FGL2: variants seen among roughly 807,000 people sequenced by gnomAD.
The protein encoded by FGL2 is fibrinogen like 2.
Under a neutral mutation model 36.0 loss-of-function variants are expected in FGL2, and 21 were observed. The ratio of observed to expected loss-of-function variants is 0.58; its 90% CI spans 0.41 to 0.84. FGL2 has a LOEUF of 0.84. FGL2 is among the 40% of genes least tolerant of loss of function. The pLI is 0.00. For missense variants in FGL2, 444 were observed against 526.3 expected (o/e 0.84, Z 1.53); for synonymous variants, 183 against 190.7 (o/e 0.96, Z 0.33).
At chr7:77,197,020 G>T in intron 1 of FGL2, 35 bp from the exon 2 acceptor site, 1 of 1,289,692 alleles carries the variant, frequency 7.8e-7, no homozygotes, top group Non-Finnish European at 1.1e-6. Context: ...ATTGGATCTT[G>T]TTAATAGAAA....
At chr7:77,199,119 T>C (rs1791929898) in intron 1 of FGL2, 62 bp downstream of exon 1, 2 of 1,413,838 alleles carry the variant, frequency 1.4e-6, no homozygotes, top group Admixed American at 2.0e-5. Flanking sequence ...TTAATGTTTA[T>C]AGATACTCTC....
rs1791828902 is a variant in FGL2 at position 77,194,493 on chromosome 7, G to GT, written c.*1785dup. 1 of 151,766 alleles carries GT rather than the reference G, an allele frequency of 6.6e-6. No individual in the cohort carries two copies. The highest frequency in any genetic ancestry group is 1.5e-5 in the Non-Finnish European group (1 of 67,852). 9.4% of individuals were successfully genotyped at this position (151,766 alleles called of 1,614,324 possible). ...TCTCTTTAACATTTTAATAGTATTTGTGATATATCATGTTTAACTGAAAGC... is the reference window on the plus strand; with the variant it reads ...TCTCTTTAACATTTTAATAGTATTTGTTGATATATCATGTTTAACTGAAAGC... On this transcript the variant is annotated 3_prime_UTR_variant, in exon 2 of 2. Transcript: ENST00000248598.
intron 1 of FGL2, among the ~76,000 whole-genome samples, chr7:77,197,220 C>A (rs1035391281): frequency 2.3e-4 from 35 of 152,170 alleles, no homozygotes; most frequent in African/African-American, 8.4e-4. Context: ...ATGACAGCAT[C>A]AACAGCAAAC....
chr7:77,195,316 A>G lies in FGL2; in HGVS notation c.*963T>C, dbSNP rs987350959. ...CTAAGGAGTTATAAACTATAAATGA[A>G]TTACCTTTAAACCCTGGTCTTCACA... On this transcript the variant is annotated 3_prime_UTR_variant, in exon 2 of 2. Transcript: ENST00000248598. The G allele has an allele frequency of 6.6e-6, 1 of 152,178 alleles. No homozygotes were observed. The highest frequency in any genetic ancestry group is 1.5e-5 in the Non-Finnish European group (1 of 68,028). 9.4% of individuals were successfully genotyped at this position (152,178 alleles called of 1,614,324 possible). A position where few individuals can be genotyped will look rare whatever the true frequency, so the allele number is the denominator to read the frequency against.
Position 77,194,033 on chromosome 7 carries a change from T to C in FGL2, c.*2246A>G, listed in dbSNP as rs1791820832. On this transcript the variant is annotated 3_prime_UTR_variant, in exon 2 of 2. Transcript: ENST00000248598. ...GTTACAGAATTTACTAGAAAAGTGC[T>C]GTGAAAGTATAATGAAAAATAAAGT... 6.6e-6 allele frequency: 1 copy of C among 152,344 alleles called. No homozygotes were observed. The highest frequency in any genetic ancestry group is 2.4e-5 in the African/African-American group (1 of 41,460). 9.4% of individuals were successfully genotyped at this position (152,344 alleles called of 1,614,324 possible). A position where few individuals can be genotyped will look rare whatever the true frequency, so the allele number is the denominator to read the frequency against.
chr7:77,199,271 T>C lies in FGL2; in HGVS notation c.523A>G (p.Ser175Gly), dbSNP rs1302728901. The C allele has an allele frequency of 2.5e-6, 4 of 1,614,094 alleles. No individual in the cohort carries two copies. The highest frequency in any genetic ancestry group is 3.4e-6 in the Non-Finnish European group (4 of 1,179,934). ...NMNNIENYVD[S>G]KVANLTFVVN... ...ACAAATGTTAGATTTGCCACTTTGC[T>C]GTCAACATAATTTTCTATGTTGTTC... Residue 175 changes from serine (S) to glycine (G), a missense_variant, in exon 1 of 2, where the codon AGC becomes GGC. By Grantham distance (56) the Ser-to-Gly change is moderately conservative. Coordinates refer to ENST00000248598, the MANE Select transcript of FGL2 (RefSeq NM_006682.3).
intron 1 of FGL2, chr7:77,198,115 A>T (rs1005670178): frequency 1.0e-6 from 1 of 984,698 alleles, no homozygotes; most frequent in African/African-American, 1.7e-5. Flanking sequence ...ATACCCACTG[A>T]TGTCACCTAA....
At chr7:77,198,332 A>G in intron 1 of FGL2, 1 of 985,272 alleles carries the variant, frequency 1.0e-6, no homozygotes, top group Non-Finnish European at 1.2e-6. Context: ...GTAGAGGTCC[A>G]AATGCGGAGA....
In FGL2 at chr7:77,196,705, C is replaced by G; in HGVS notation, c.894G>C (p.Met298Ile). The G allele has an allele frequency of 6.2e-7, 1 of 1,614,230 alleles. No individual in the cohort carries two copies. Among genetic ancestry groups the G allele is most frequent in the South Asian group, 1.1e-5 (1 of 91,086 alleles). Reference sequence around the variant, plus strand: ...AGTCTTCAAGATCTATTCTCAGAATCATTTCCTTACTCTTGGTCAGAAGAT... The same window carrying G: ...AGTCTTCAAGATCTATTCTCAGAATGATTTCCTTACTCTTGGTCAGAAGAT... ...KIHLLTKSKE[M>I]ILRIDLEDFN... Residue 298 changes from methionine to isoleucine, a missense_variant, in exon 2 of 2, where the codon ATG becomes ATC. Physicochemically the swap from Met to Ile is conservative, Grantham distance 10. Coordinates refer to ENST00000248598, the MANE Select transcript of FGL2 (RefSeq NM_006682.3). This position sits in a 1 kb window ranked among gnomAD's most constrained non-coding sequence, Gnocchi z 4.2.
chr7:77,196,254 T>C lies in FGL2; in HGVS notation c.*25A>G. ...ATTAATTGCCCTATTAGATAACGAA[T>C]ACCTGGAGGAATGAACAGAGTGATT... On this transcript the variant is annotated 3_prime_UTR_variant, in exon 2 of 2. Coordinates refer to ENST00000248598, the MANE Select transcript of FGL2 (RefSeq NM_006682.3). The surrounding 1 kb of genome is among the most constrained non-coding windows in gnomAD (Gnocchi z 4.2). 1 of 1,545,608 alleles carries C rather than the reference T, an allele frequency of 6.5e-7. No homozygotes were observed. Among genetic ancestry groups the C allele is most frequent in the Non-Finnish European group, 8.9e-7 (1 of 1,128,572 alleles).
Position 77,199,178 on chromosome 7 carries a change from T to C in FGL2, c.613+3A>G, listed in dbSNP as rs1310107280. On this transcript the variant is annotated splice_donor_region_variant and intron_variant, in intron 1 of 1. Coordinates refer to ENST00000248598, the MANE Select transcript of FGL2 (RefSeq NM_006682.3). ...TATGATAAGAAAACATTATTATACA[T>C]ACCTGGACGTGACTGTATTTGTTCT... The C allele has an allele frequency of 6.2e-7, 1 of 1,611,270 alleles. No homozygotes were observed.
chr7:77,196,669 G>T lies in FGL2; in HGVS notation c.930C>A (p.Val310=), dbSNP rs3093278. Reference sequence around the variant, plus strand: ...ACTGATCATACAAGGCATATAGTTCGACACCATTAAAGTCTTCAAGATCTA... The same window carrying T: ...ACTGATCATACAAGGCATATAGTTCTACACCATTAAAGTCTTCAAGATCTA... ...LRIDLEDFNG[V]ELYALYDQFY... is the part of the protein sequence containing the mutation. The change falls in exon 2 of 2, where the codon GTC becomes GTA. Residue 310 remains valine (V), a synonymous_variant. Transcript: ENST00000248598. This position sits in a 1 kb window ranked among gnomAD's most constrained non-coding sequence, Gnocchi z 4.2. 3 of 1,613,888 alleles carry T rather than the reference G, an allele frequency of 1.9e-6. No homozygotes were observed. Among genetic ancestry groups the T allele is most frequent in the Non-Finnish European group, 2.5e-6 (3 of 1,179,956 alleles).
rs771291448 is a variant in FGL2, at chr7:77,196,544, T to C, written c.1055A>G (p.Asp352Gly). Residue 352 changes from aspartate (D) to glycine (G), a missense_variant, in exon 2 of 2, where the codon GAT (aspartate) becomes GGT (glycine). Asp to Gly is a moderately conservative substitution (Grantham distance 94). Transcript: ENST00000248598. The surrounding 1 kb of genome is among the most constrained non-coding windows in gnomAD (Gnocchi z 4.2). Reference sequence around the variant, plus strand: ...ATCTGGAGTGGTGAAAAACTTCAGATCGTGGTTGTAATGTTTGTTGAAACG... The same window carrying C: ...ATCTGGAGTGGTGAAAAACTTCAGACCGTGGTTGTAATGTTTGTTGAAACG... The part of the protein sequence containing the change: ...ALRFNKHYNH[D>G]LKFFTTPDKD... The C allele has an allele frequency of 6.2e-7, 1 of 1,614,178 alleles. No homozygotes were observed. Among genetic ancestry groups the C allele is most frequent in the Non-Finnish European group, 8.5e-7 (1 of 1,180,006 alleles).
intron 1 of FGL2, chr7:77,198,458 CTG>C (rs897204691): frequency 4.6e-6 from 1 of 216,328 alleles, no homozygotes; most frequent in Admixed American, 6.5e-5. Context: ...GCGATTAAGT[CTG>C]TGGAATTTCA....
At chr7:77,198,990 A>G in intron 1 of FGL2, 191 bp downstream of exon 1, 1 of 597,354 alleles carries the variant, frequency 1.7e-6, no homozygotes, top group East Asian at 2.8e-5. Flanking sequence ...AGAACTAACT[A>G]TGATTTTTGT....
In FGL2 at chr7:77,196,523, G is replaced by T. The variant is rs993060186; in HGVS notation, c.1076C>A (p.Pro359Gln). 2 of 1,613,992 alleles carry T rather than the reference G, an allele frequency of 1.2e-6. No homozygotes were observed. The highest frequency in any genetic ancestry group is 1.7e-6 in the Non-Finnish European group (2 of 1,179,978). ...YNHDLKFFTTPDKDNDRYPSG... is the reference protein window; with the variant it reads ...YNHDLKFFTTQDKDNDRYPSG... ...AGGATATCGATCATTGTCTTTATCT[G>T]GAGTGGTGAAAAACTTCAGATCGTG... Residue 359 changes from proline (P) to glutamine (Q), a missense_variant, in exon 2 of 2, where the codon CCA (proline) becomes CAA (glutamine). Coordinates refer to ENST00000248598, the MANE Select transcript of FGL2 (RefSeq NM_006682.3). This position sits in a 1 kb window ranked among gnomAD's most constrained non-coding sequence, Gnocchi z 4.2.
Position 77,199,340 on chromosome 7 carries a change from T to G in FGL2, c.454A>C (p.Asn152His). 2 of 1,614,092 alleles carry G rather than the reference T, an allele frequency of 1.2e-6. No individual in the cohort carries two copies. The highest frequency in any genetic ancestry group is 1.7e-6 in the Non-Finnish European group (2 of 1,179,966). ...SELKNAKEEI[N>H]VLHGRLEKLN... ...TTCTCCAGGCGACCATGAAGTACATTGATCTCCTCTTTGGCATTCTTTAGC... is the reference window on the plus strand; with the variant it reads ...TTCTCCAGGCGACCATGAAGTACATGGATCTCCTCTTTGGCATTCTTTAGC... The change falls in exon 1 of 2, where the codon AAT becomes CAT. Residue 152 changes from asparagine (N) to histidine (H), a missense_variant. Coordinates refer to ENST00000248598, the MANE Select transcript of FGL2 (RefSeq NM_006682.3).
At chr7:77,197,936 TG>T (rs1157584147) in intron 1 of FGL2, among the ~76,000 whole-genome samples, 1 of 152,218 alleles carries the variant, frequency 6.6e-6, no homozygotes, top group Non-Finnish European at 1.5e-5. Context: ...TTTATTAAAA[TG>T]TGTGACAAAT....
Position 77,199,734 on chromosome 7 carries a change from C to T in FGL2, c.60G>A (p.Leu20=). The change falls in exon 1 of 2, where the codon TTG becomes TTA. Residue 20 remains leucine, a synonymous_variant. Coordinates refer to ENST00000248598, the MANE Select transcript of FGL2 (RefSeq NM_006682.3). ...SSAVLATYGF[L]VVANNETEEI... ...CCTCTGTTTCATTGTTTGCCACAACCAAAAAACCGTAAGTGGCAAGAACAG... is the reference window on the plus strand; with the variant it reads ...CCTCTGTTTCATTGTTTGCCACAACTAAAAAACCGTAAGTGGCAAGAACAG... 6.2e-7 allele frequency: 1 copy of T among 1,614,040 alleles called. No individual in the cohort carries two copies. The highest frequency in any genetic ancestry group is 8.5e-7 in the Non-Finnish European group (1 of 1,179,974).
Sources: allele counts gnomAD v4.1 joint callset (sites outside exome capture counted in the v4.1 genomes callset), GRCh38; gene constraint gnomAD v4.1.1; non-coding constraint Gnocchi (gnomAD v3.1); transcripts MANE v1.5; gene names NCBI Gene and HGNC (gene_info 2026-07-23, HGNC 2026-07-21).